The following ADGRB3 variants were observed in gnomAD, a reference collection of about 807,000 sequenced individuals.
The protein encoded by ADGRB3 is adhesion G protein-coupled receptor B3.
In ADGRB3, 37 loss-of-function variants were observed where a neutral mutation model predicts 193.4. The observed-to-expected ratio is 0.19, with a 90% CI of 0.15 to 0.25. ADGRB3 has a LOEUF of 0.25. Ranked by LOEUF, ADGRB3 falls within the 10% of genes least tolerant of loss-of-function variation. The probability of loss-of-function intolerance (pLI) is 1.00; values close to 1 mark genes in which losing one functional copy is unlikely to be tolerated. For missense variants in ADGRB3, 1,637 were observed against 1,852.9 expected (o/e 0.88, Z 2.14); for synonymous variants, 690 against 644.2 (o/e 1.07, Z -1.08).
intron 11 of ADGRB3, among the ~76,000 whole-genome samples, chr6:68,999,790 G>A (rs1399584603): frequency 2.0e-5 from 3 of 152,048 alleles, no homozygotes; most frequent in Non-Finnish European, 2.9e-5. Context: ...TAAGCTCTTT[G>A]AGAGATTATT....
chr6:68,882,975 GCT>G (rs1478761639), intron 3 of ADGRB3, among the ~76,000 whole-genome samples: 1 of 151,904 alleles, frequency 6.6e-6, no homozygotes, highest in Non-Finnish European at 1.5e-5. Flanking sequence ...CTTACTGCAA[GCT>G]CTGCTTCCTG....
chr6:69,263,399 G>A (rs1766971080), intron 20 of ADGRB3, among the ~76,000 whole-genome samples: 2 of 151,902 alleles, frequency 1.3e-5, no homozygotes, highest in Non-Finnish European at 2.9e-5. Flanking sequence ...TCGCATGATG[G>A]CACCTAAATG....
At chr6:69,230,915 T>A (rs1766121020) in intron 17 of ADGRB3, among the ~76,000 whole-genome samples, 2 of 152,156 alleles carry the variant, frequency 1.3e-5, no homozygotes, top group African/African-American at 2.4e-5. Context: ...GTTAGTTTAA[T>A]CAGATAAAGT....
chr6:68,985,825 T>C (rs1163737802), intron 10 of ADGRB3, among the ~76,000 whole-genome samples: 2 of 152,128 alleles, frequency 1.3e-5, no homozygotes, highest in Non-Finnish European at 2.9e-5. Flanking sequence ...GTAATGGAAA[T>C]AGAATTGAGA....
chr6:69,251,560 A>G (rs1766620753), intron 20 of ADGRB3, among the ~76,000 whole-genome samples: 1 of 152,170 alleles, frequency 6.6e-6, no homozygotes, highest in South Asian at 2.1e-4. Flanking sequence ...TTAAATCTAG[A>G]AGTAGGGAGG....
At chr6:69,293,526 A>G (rs1582610661) in intron 20 of ADGRB3, among the ~76,000 whole-genome samples, 1 of 152,174 alleles carries the variant, frequency 6.6e-6, no homozygotes. Flanking sequence ...TCCAGGTTCA[A>G]ATTTAGAATT....
intron 20 of ADGRB3, among the ~76,000 whole-genome samples, chr6:69,294,565 C>A (rs1385850438): frequency 1.3e-5 from 2 of 152,032 alleles, no homozygotes; most frequent in Non-Finnish European, 2.9e-5. Context: ...CCGACACTTC[C>A]CACATTGAAT....
intron 13 of ADGRB3, among the ~76,000 whole-genome samples, chr6:69,028,793 T>G (rs1326199591): frequency 6.6e-6 from 1 of 152,190 alleles, no homozygotes; most frequent in East Asian, 1.9e-4. Flanking sequence ...ACTTCTGAAC[T>G]TCCTTCACAA....
At chr6:69,185,017 T>C (rs1398792012) in intron 17 of ADGRB3, among the ~76,000 whole-genome samples, 2 of 152,142 alleles carry the variant, frequency 1.3e-5, no homozygotes, top group African/African-American at 2.4e-5. Flanking sequence ...ATTAGACTTA[T>C]CAAAGAGTTC....
intron 11 of ADGRB3, among the ~76,000 whole-genome samples, chr6:69,012,414 T>C (rs1582393345): frequency 1.3e-5 from 2 of 152,016 alleles, no homozygotes; most frequent in South Asian, 4.1e-4. Flanking sequence ...ATTAGCACCA[T>C]GTCCCCTACT....
At chr6:69,317,240 A>T (rs557728025) in intron 20 of ADGRB3, among the ~76,000 whole-genome samples, 32 of 151,578 alleles carry the variant, frequency 2.1e-4, no homozygotes, top group Non-Finnish European at 4.6e-4. Context: ...TACATCAAAG[A>T]TGAACCAGTA....
chr6:69,297,410 C>CTATATATATA (rs753511956), intron 20 of ADGRB3, among the ~76,000 whole-genome samples: 3 of 128,240 alleles, frequency 2.3e-5, no homozygotes, highest in African/African-American at 9.1e-5. Context: ...CTCTCTCTCT[C>CTATATATATA]TATATATATA....
At chr6:69,062,796 C>T in intron 15 of ADGRB3, 138 bp from the exon 16 acceptor site, 1 of 619,202 alleles carries the variant, frequency 1.6e-6, no homozygotes, top group Non-Finnish European at 2.7e-6. Context: ...TAAAATGTGT[C>T]TTTCCATGAA....
At chr6:68,906,305 A>AGGTATACCATATATATTGTT (rs1457200323) in intron 3 of ADGRB3, among the ~76,000 whole-genome samples, 2 of 151,822 alleles carry the variant, frequency 1.3e-5, no homozygotes, top group South Asian at 4.1e-4. Context: ...CATATATTGG[A>AGGTATACCATATATATTGTT]GGTATACCAT....
At chr6:69,169,592 T>A (rs1775221783) in intron 17 of ADGRB3, among the ~76,000 whole-genome samples, 1 of 150,930 alleles carries the variant, frequency 6.6e-6, no homozygotes, top group South Asian at 2.1e-4. Flanking sequence ...TTAAATGATA[T>A]AATTAAATGA....
intron 3 of ADGRB3, among the ~76,000 whole-genome samples, chr6:68,830,782 G>A (rs568592934): frequency 5.3e-5 from 8 of 151,936 alleles, no homozygotes; most frequent in Admixed American, 5.2e-4. Flanking sequence ...GTAGTGAGCC[G>A]AGGGTGGTAA....
intron 8 of ADGRB3, among the ~76,000 whole-genome samples, chr6:68,966,909 G>A (rs910950997): frequency 1.2e-4 from 19 of 152,254 alleles, no homozygotes; most frequent in African/African-American, 4.6e-4. Flanking sequence ...AAGATGAGAT[G>A]GCAGAAAATC....
intron 3 of ADGRB3, among the ~76,000 whole-genome samples, chr6:68,847,839 G>T (rs531298211): frequency 6.6e-6 from 1 of 151,970 alleles, no homozygotes; most frequent in East Asian, 1.9e-4. Flanking sequence ...GTAAAATGTA[G>T]AAAGTAAGTT....
At chr6:68,659,213 G>A (rs1768562399) in intron 3 of ADGRB3, among the ~76,000 whole-genome samples, 1 of 150,690 alleles carries the variant, frequency 6.6e-6, no homozygotes, top group South Asian at 2.1e-4. Flanking sequence ...TCAAGCTGAT[G>A]CAATTTTTTT....
Sources: gnomAD v4.1 joint callset for allele counts (sites outside exome capture counted in the v4.1 genomes callset) on GRCh38, gnomAD v4.1.1 for gene constraint, MANE v1.5 for transcripts, NCBI Gene and HGNC (gene_info 2026-07-23, HGNC 2026-07-21) for gene names.